Variants in KSR2 observed in about 807,000 individuals in gnomAD.
The protein encoded by KSR2 is kinase suppressor of ras 2.
KSR2 carries 25 observed loss-of-function variants against 107.8 expected under a neutral mutation model. The ratio of observed to expected loss-of-function variants is 0.23; its 90% CI spans 0.17 to 0.32. KSR2 has a LOEUF of 0.32. KSR2 is among the 10% of genes least tolerant of loss of function. KSR2 has a pLI of 1.00. For missense variants in KSR2, 887 were observed against 1,268.9 expected, an observed-to-expected ratio of 0.70 and a Z score of 4.57; for synonymous variants, 480 against 507.0, an observed-to-expected ratio of 0.95 and a Z score of 0.71.
At chr12:117,931,915 G>A (rs1895704385) in intron 1 of KSR2, among the ~76,000 whole-genome samples, 1 of 152,178 alleles carries the variant, frequency 6.6e-6, no homozygotes, top group Non-Finnish European at 1.5e-5. Context: ...TATTTTTACA[G>A]ATGGGGATTC....
Position 117,601,640 on chromosome 12 carries a change from C to A in KSR2, c.1172-19281G>T, listed in dbSNP as rs7960857. Among the ~76,000 whole-genome samples, 26 of 152,216 alleles carry A rather than the reference C, an allele frequency of 1.7e-4. No homozygotes were observed. The East Asian group carries it at 2.5e-3, about 15-fold the overall frequency. On this transcript the variant is annotated intron_variant, in intron 5 of 19. Transcript: ENST00000339824. ...TGGGAGAGGCAAGGAAGGACCCCCC[C>A]CTAGAGCCTTCGGAGAGAGCATGGC...
At chr12:117,830,480 C>T (rs949393452) in intron 3 of KSR2, among the ~76,000 whole-genome samples, 1 of 151,862 alleles carries the variant, frequency 6.6e-6, no homozygotes, top group Non-Finnish European at 1.5e-5. Flanking sequence ...CAAACCTGCA[C>T]ATGTACCCTC....
At chr12:117,861,765 T>G (rs1361516397) in intron 1 of KSR2, among the ~76,000 whole-genome samples, 1 of 152,142 alleles carries the variant, frequency 6.6e-6, no homozygotes, top group Admixed American at 6.5e-5. Context: ...TTTAAACTCT[T>G]TTGTGCTGTT....
At chr12:117,910,650 G>T (rs539621941) in intron 1 of KSR2, among the ~76,000 whole-genome samples, 1 of 152,278 alleles carries the variant, frequency 6.6e-6, no homozygotes, top group South Asian at 2.1e-4. Flanking sequence ...GAAATGCTTG[G>T]AATAGCAGGG....
chr12:117,472,304 C>G (rs1257357356), intron 17 of KSR2, among the ~76,000 whole-genome samples: 1 of 152,126 alleles, frequency 6.6e-6, no homozygotes, highest in Non-Finnish European at 1.5e-5. Context: ...GAGGATTGCT[C>G]TAGTGAGTAG....
At chr12:117,490,949 C>T (rs560015516) in intron 14 of KSR2, among the ~76,000 whole-genome samples, 1 of 152,184 alleles carries the variant, frequency 6.6e-6, no homozygotes, top group African/African-American at 2.4e-5. Context: ...AAAATCTACT[C>T]CCTCAGCAAT....
At chr12:117,710,893 C>T (rs1886745755) in intron 4 of KSR2, among the ~76,000 whole-genome samples, 3 of 152,072 alleles carry the variant, frequency 2.0e-5, no homozygotes, top group Admixed American at 2.0e-4. Context: ...ATCATTCCTG[C>T]CTCAAGACCT....
chr12:117,581,430 C>G (rs1593016730), intron 6 of KSR2, among the ~76,000 whole-genome samples: 1 of 152,284 alleles, frequency 6.6e-6, no homozygotes, highest in Admixed American at 6.5e-5. Context: ...GGGAACAGGT[C>G]CTCCAGTGAG....
chr12:117,651,237 A>C (rs1883893182), intron 5 of KSR2, among the ~76,000 whole-genome samples: 1 of 152,182 alleles, frequency 6.6e-6, no homozygotes, highest in African/African-American at 2.4e-5. Flanking sequence ...GGCAACAGTG[A>C]TGGCCTCCTC....
At chr12:117,630,625 G>A (rs1403921124) in intron 5 of KSR2, among the ~76,000 whole-genome samples, 1 of 152,284 alleles carries the variant, frequency 6.6e-6, no homozygotes. Flanking sequence ...AAAGGGAAAC[G>A]AGGAGTTAGG....
intron 18 of KSR2, 139 bp from the exon 19 acceptor site, chr12:117,469,934 C>T (rs1262427724): frequency 1.3e-6 from 1 of 778,400 alleles, no homozygotes; most frequent in Non-Finnish European, 2.1e-6. Flanking sequence ...TCCATCCATC[C>T]ATCCATCCAC....
At chr12:117,633,975 C>T (rs1882931418) in intron 5 of KSR2, among the ~76,000 whole-genome samples, 2 of 152,188 alleles carry the variant, frequency 1.3e-5, no homozygotes, top group South Asian at 4.1e-4. Flanking sequence ...CTCTGCTTCA[C>T]ATAATTTTGG....
intron 5 of KSR2, among the ~76,000 whole-genome samples, chr12:117,619,431 A>T (rs1434323240): frequency 6.6e-6 from 1 of 151,824 alleles, no homozygotes; most frequent in African/African-American, 2.4e-5. Context: ...CTCATCGTTC[A>T]AGTCCCACCT....
intron 13 of KSR2, among the ~76,000 whole-genome samples, chr12:117,525,995 A>G (rs1406132121): frequency 6.6e-6 from 1 of 152,188 alleles, no homozygotes; most frequent in Non-Finnish European, 1.5e-5. Context: ...TCCTCATTGT[A>G]AAGTGGGGGT....
intron 4 of KSR2, among the ~76,000 whole-genome samples, chr12:117,715,656 G>C (rs1199639114): frequency 6.6e-6 from 1 of 152,194 alleles, no homozygotes; most frequent in African/African-American, 2.4e-5. Context: ...AGGCTTTACA[G>C]GGTGTAGGAT....
At chr12:117,625,370 A>G (rs1385719325) in intron 5 of KSR2, among the ~76,000 whole-genome samples, 1 of 152,190 alleles carries the variant, frequency 6.6e-6, no homozygotes, top group Non-Finnish European at 1.5e-5. Flanking sequence ...ATTTTGAGAT[A>G]CGTCCCATCA....
chr12:117,863,867 TCAC>T (rs970548233), intron 1 of KSR2, among the ~76,000 whole-genome samples: 5 of 152,064 alleles, frequency 3.3e-5, no homozygotes, highest in Non-Finnish European at 5.9e-5. Flanking sequence ...ACTTCCTCTA[TCAC>T]CACATCTCCT....
intron 4 of KSR2, among the ~76,000 whole-genome samples, chr12:117,697,739 CAAA>C (rs35764451): frequency 1.2e-4 from 8 of 66,354 alleles, no homozygotes; most frequent in Admixed American, 1.7e-4. Flanking sequence ...GACTCCATCT[CAAA>C]AAAAAAAAAA....
intron 4 of KSR2, among the ~76,000 whole-genome samples, chr12:117,722,487 A>G (rs1036589615): frequency 7.9e-5 from 12 of 152,374 alleles, no homozygotes; most frequent in African/African-American, 2.6e-4. Context: ...CAAGTTGGCC[A>G]AAACCCATCA....
Sources: allele counts gnomAD v4.1 joint callset (sites outside exome capture counted in the v4.1 genomes callset), GRCh38; gene constraint gnomAD v4.1.1; transcripts MANE v1.5; gene names NCBI Gene and HGNC (gene_info 2026-07-23, HGNC 2026-07-21).